Variants in EYS observed in about 807,000 individuals in gnomAD.
EYS encodes EGF-like photoreceptor maintenance factor, also known as protein eyes shut homolog.
A neutral mutation model predicts 282.1 loss-of-function variants in EYS; 250 were observed. The ratio of observed to expected loss-of-function variants is 0.89; its 90% confidence interval spans 0.80 to 0.98. The LOEUF (loss-of-function observed/expected upper bound fraction) is 0.98, where lower values mean the gene tolerates loss of function less well. Among genes scored for constraint, EYS ranks in the 50% least tolerant of loss-of-function variants. EYS has a pLI of 0.00. For missense variants in EYS, 4,016 were observed against 3,709.0 expected, an observed-to-expected ratio of 1.08 and a Z score of -2.15; for synonymous variants, 1,355 against 1,282.9, an observed-to-expected ratio of 1.06 and a Z score of -1.20.
chr6:64,997,474 A>G lies in EYS; in HGVS notation c.2259+108T>C, dbSNP rs767414400. 233 of 1,006,518 alleles carry G rather than the reference A, an allele frequency of 2.3e-4. 1 individual carries two copies. Among genetic ancestry groups the G allele is most frequent in the Non-Finnish European group, 2.1e-4 (151 of 707,040 alleles). 62.3% of individuals were successfully genotyped at this position (1,006,518 alleles called of 1,614,324 possible). A position where few individuals can be genotyped will look rare whatever the true frequency, so the allele number is the denominator to read the frequency against. ...CTAACCTTGAGAAGTAAGCATATGTAATATATATACTAACCTAACACACAG... is the reference window on the plus strand; with the variant it reads ...CTAACCTTGAGAAGTAAGCATATGTGATATATATACTAACCTAACACACAG... On this transcript the variant is annotated intron_variant, in intron 14 of 42. Coordinates refer to ENST00000503581, the MANE Select transcript of EYS (RefSeq NM_001142800.2).
chr6:65,023,479 TTTG>T (rs567504619), intron 13 of EYS, among the ~76,000 whole-genome samples: 1 of 152,314 alleles, frequency 6.6e-6, no homozygotes, highest in Non-Finnish European at 1.5e-5. Flanking sequence ...GTTTTGTGTT[TTTG>T]TTGTTGTTGA....
In EYS at chr6:64,904,577, A is replaced by G. The variant is rs148430629; in HGVS notation, c.2642-2077T>C. On this transcript the variant is annotated intron_variant, in intron 16 of 42. Transcript: ENST00000503581. ...AGGTTAGATTTTTCACAAGTTAAAA[A>G]TTGAGAAAGTTGAGTGTATTTCACC... Among the ~76,000 whole-genome samples, 21 of 152,352 alleles carry G rather than the reference A, an allele frequency of 1.4e-4. 2 individuals are homozygous for G. Among genetic ancestry groups the G allele is most frequent in the African/African-American group, 4.8e-4 (20 of 41,604 alleles).
At chr6:65,334,769 C>T in intron 11 of EYS, 2 of 523,892 alleles carry the variant, frequency 3.8e-6, no homozygotes, top group Non-Finnish European at 3.4e-6. Context: ...TTCCTTCTTC[C>T]CTCCTTTTAT....
intron 36 of EYS, among the ~76,000 whole-genome samples, chr6:63,834,596 C>T (rs1389553110): frequency 2.7e-5 from 4 of 146,936 alleles, no homozygotes; most frequent in Non-Finnish European, 5.9e-5. Context: ...CGCTTTTACA[C>T]TGTTGGTGGG....
chr6:64,534,909 G>T (rs1349787974), intron 26 of EYS, among the ~76,000 whole-genome samples: 1 of 151,702 alleles, frequency 6.6e-6, no homozygotes, highest in Non-Finnish European at 1.5e-5. Flanking sequence ...CATCCAATTT[G>T]CACACAAAGG....
Position 64,658,765 on chromosome 6 carries a change from C to A in EYS, c.3444-32520G>T, listed in dbSNP as rs1238509504. Among the ~76,000 whole-genome samples, 5 of 152,320 alleles carry A rather than the reference C, an allele frequency of 3.3e-5. No individual in the cohort carries two copies. The East Asian group carries it at 9.7e-4, about 29-fold the overall frequency. On this transcript the variant is annotated intron_variant, in intron 22 of 42. Coordinates refer to ENST00000503581, the MANE Select transcript of EYS (RefSeq NM_001142800.2). ...CATGTGAGGTGTCAGTCTGCCCCTA[C>A]TGGGGGGTGCCTCCCAGTTAGGCTA...
chr6:64,802,023 C>CTTTTTTTTTTTTTTTTTTT lies in EYS; in HGVS notation c.3443+11354_3443+11355insAAAAAAAAAAAAAAAAAAA, dbSNP rs1199002175. Among the ~76,000 whole-genome samples the CTTTTTTTTTTTTTTTTTTT allele has an allele frequency of 1.3e-4, 9 of 70,780 alleles. 3 individuals carry two copies. Among genetic ancestry groups the CTTTTTTTTTTTTTTTTTTT allele is most frequent in the Admixed American group, 2.1e-4 (1 of 4,732 alleles). The allele number at this position is 70,780 out of a possible 152,430, so 46.4% of individuals were successfully genotyped here. A position where few individuals can be genotyped will look rare whatever the true frequency, so the allele number is the denominator to read the frequency against. On this transcript the variant is annotated intron_variant, in intron 22 of 42. Coordinates refer to ENST00000503581, the MANE Select transcript of EYS (RefSeq NM_001142800.2). ...AGAGAGTTATAACAAATTTCTTTTT[C>CTTTTTTTTTTTTTTTTTTT]TTTTTTTTTCTTTTTTTTTTTTTTT...
At chr6:64,416,837 A>T (rs1009389852) in intron 28 of EYS, among the ~76,000 whole-genome samples, 1 of 152,182 alleles carries the variant, frequency 6.6e-6, no homozygotes, top group African/African-American at 2.4e-5. Flanking sequence ...ACAAAAAATT[A>T]TCAATGTTGA....
At chr6:63,927,140 T>C (rs1410339275) in intron 35 of EYS, among the ~76,000 whole-genome samples, 1 of 152,178 alleles carries the variant, frequency 6.6e-6, no homozygotes, top group Non-Finnish European at 1.5e-5. Context: ...TGTTGGGAAA[T>C]TACTTGACCT....
chr6:65,646,032 T>TA (rs1228422076), intron 1 of EYS, among the ~76,000 whole-genome samples: 2 of 151,822 alleles, frequency 1.3e-5, no homozygotes, highest in South Asian at 2.1e-4. Flanking sequence ...GAAATGGTAA[T>TA]AAAAAAAATT....
chr6:64,040,628 A>G (rs947468593), intron 33 of EYS, among the ~76,000 whole-genome samples: 1 of 152,240 alleles, frequency 6.6e-6, no homozygotes, highest in African/African-American at 2.4e-5. Context: ...TAGACCCAAG[A>G]TTGAAAAACT....
intron 34 of EYS, among the ~76,000 whole-genome samples, chr6:63,992,640 A>G (rs1256942391): frequency 6.6e-6 from 1 of 151,808 alleles, no homozygotes; most frequent in Non-Finnish European, 1.5e-5. Context: ...TACCTATAGA[A>G]GATACAAAAA....
intron 19 of EYS, among the ~76,000 whole-genome samples, chr6:64,861,877 A>T (rs9453092): frequency 2.0e-5 from 3 of 151,954 alleles, no homozygotes; most frequent in African/African-American, 7.3e-5. Context: ...CTTTCTTTAC[A>T]TAGATTTTGG....
intron 26 of EYS, among the ~76,000 whole-genome samples, chr6:64,523,312 T>A (rs1453241243): frequency 6.6e-6 from 1 of 151,842 alleles, no homozygotes; most frequent in Non-Finnish European, 1.5e-5. Context: ...TCACACTTTT[T>A]ACCTGATTAA....
chr6:64,470,857 T>C (rs1024216595), intron 26 of EYS, among the ~76,000 whole-genome samples: 2 of 152,106 alleles, frequency 1.3e-5, no homozygotes, highest in African/African-American at 4.8e-5. Context: ...GAACAAATAT[T>C]TGAATTTTGA....
chr6:65,070,495 C>G (rs1239200072), intron 12 of EYS, among the ~76,000 whole-genome samples: 2 of 151,768 alleles, frequency 1.3e-5, no homozygotes, highest in African/African-American at 4.8e-5. Flanking sequence ...ATATTTTTCT[C>G]ATTCTTACAT....
chr6:65,404,080 C>T (rs1338058688), intron 6 of EYS, among the ~76,000 whole-genome samples: 2 of 152,056 alleles, frequency 1.3e-5, no homozygotes, highest in Non-Finnish European at 2.9e-5. Context: ...TGCTGTGTCC[C>T]TTCTGTAGGC....
At chr6:63,805,460 T>C (rs1310100604) in intron 37 of EYS, among the ~76,000 whole-genome samples, 1 of 152,182 alleles carries the variant, frequency 6.6e-6, no homozygotes, top group African/African-American at 2.4e-5. Flanking sequence ...AAAATGAGAA[T>C]TTCCCTTCTC....
At chr6:64,677,835 A>G (rs1375256996) in intron 22 of EYS, among the ~76,000 whole-genome samples, 1 of 152,130 alleles carries the variant, frequency 6.6e-6, no homozygotes, top group Non-Finnish European at 1.5e-5. Context: ...TCTTAAAAAG[A>G]GAAGGTAAAA....
Sources: allele counts gnomAD v4.1 joint callset (sites outside exome capture counted in the v4.1 genomes callset), GRCh38; gene constraint gnomAD v4.1.1; transcripts MANE v1.5; gene names NCBI Gene and HGNC (gene_info 2026-07-23, HGNC 2026-07-21).